Variants in FAM241A observed in about 807,000 individuals in gnomAD.
FAM241A encodes the protein uncharacterized protein FAM241A.
A neutral mutation model predicts 12.2 loss-of-function variants in FAM241A; 7 were observed. That is an observed-to-expected ratio of 0.58 (90% CI 0.33 to 1.08). The LOEUF (loss-of-function observed/expected upper bound fraction) is 1.08. Ranked by LOEUF, FAM241A falls within the 50% of genes least tolerant of loss-of-function variation. The pLI is 0.04. For synonymous variants in FAM241A, 74 were observed against 68.2 expected (o/e 1.08, Z -0.42); for missense variants, 161 against 169.7 (o/e 0.95, Z 0.29).
At chr4:112,151,887 CA>C (rs1723251895) in intron 1 of FAM241A, among the ~76,000 whole-genome samples, 1 of 152,106 alleles carries the variant, frequency 6.6e-6, no homozygotes. Flanking sequence ...TTCACAAATA[CA>C]AAAAGCACAT....
chr4:112,184,474 G>A (rs1578380348), intron 1 of FAM241A, among the ~76,000 whole-genome samples: 2 of 152,290 alleles, frequency 1.3e-5, no homozygotes, highest in African/African-American at 4.8e-5. Context: ...TTTGCAGTGA[G>A]CCGAGATTGT....
At chr4:112,165,928 A>G (rs1723585436) in intron 1 of FAM241A, among the ~76,000 whole-genome samples, 1 of 152,224 alleles carries the variant, frequency 6.6e-6, no homozygotes, top group Admixed American at 6.5e-5. Context: ...TTGTAACACA[A>G]AAGTAAATGC....
At chr4:112,177,115 G>A (rs1723838848) in intron 1 of FAM241A, among the ~76,000 whole-genome samples, 1 of 151,972 alleles carries the variant, frequency 6.6e-6, no homozygotes, top group Non-Finnish European at 1.5e-5. Context: ...GCATGAAAAT[G>A]TACTAACTTG....
intron 1 of FAM241A, among the ~76,000 whole-genome samples, chr4:112,149,358 T>C (rs1450817245): frequency 6.6e-6 from 1 of 152,188 alleles, no homozygotes; most frequent in Non-Finnish European, 1.5e-5. Flanking sequence ...TGTCTTCTTT[T>C]ACAAAAGGTT....
chr4:112,163,518 C>T (rs1723525116), intron 1 of FAM241A, among the ~76,000 whole-genome samples: 1 of 152,174 alleles, frequency 6.6e-6, no homozygotes, highest in Non-Finnish European at 1.5e-5. Context: ...ACAGACACTT[C>T]TCAAAAGAAG....
chr4:112,150,794 A>G (rs1723231876), intron 1 of FAM241A, among the ~76,000 whole-genome samples: 1 of 152,260 alleles, frequency 6.6e-6, no homozygotes, highest in Admixed American at 6.5e-5. Context: ...CAGTTTCTGC[A>G]TCTGCATAAT....
chr4:112,194,390 A>C lies in FAM241A; in HGVS notation c.*7452A>C, dbSNP rs1273922925. On this transcript the variant is annotated 3_prime_UTR_variant, in exon 2 of 2. Coordinates refer to ENST00000309733, the MANE Select transcript of FAM241A (RefSeq NM_152400.3). ...GCCAGAACTTCCAACACTATGTTGA[A>C]TAGGAGTGGTGAGAGAGGGCATCCC... is the stretch of plus-strand genomic sequence containing the variant. 1 of 151,666 alleles carries C rather than the reference A, an allele frequency of 6.6e-6. No individual in the cohort carries two copies. The highest frequency in any genetic ancestry group is 1.5e-5 in the Non-Finnish European group (1 of 67,880). The allele number at this position is 151,666 out of a possible 1,614,324, so 9.4% of individuals were successfully genotyped here. A position where few individuals can be genotyped will look rare whatever the true frequency, so the allele number is the denominator to read the frequency against.
chr4:112,145,874 A>AGT, intron 1 of FAM241A, 141 bp downstream of exon 1: 1 of 419,004 alleles, frequency 2.4e-6, no homozygotes, highest in Non-Finnish European at 3.3e-6. Flanking sequence ...CGCTCTGGGA[A>AGT]GTCGTCGCCG....
Position 112,187,177 on chromosome 4 carries a change from C to G in FAM241A, c.*239C>G. ...AAAACTCTTGTTTCACTACTGTGAT[C>G]TCTGTCTCCTTTATACACCTCTATC... On this transcript the variant is annotated 3_prime_UTR_variant, in exon 2 of 2. Coordinates refer to ENST00000309733, the MANE Select transcript of FAM241A (RefSeq NM_152400.3). The G allele has an allele frequency of 4.2e-6, 2 of 476,962 alleles. No individual in the cohort carries two copies. The highest frequency in any genetic ancestry group is 5.6e-5 in the South Asian group (2 of 35,954). 29.5% of individuals were successfully genotyped at this position (476,962 alleles called of 1,614,324 possible).
chr4:112,149,080 CT>C (rs1723195026), intron 1 of FAM241A, among the ~76,000 whole-genome samples: 1 of 11,436 alleles, frequency 8.7e-5, no homozygotes. Context: ...AAATCCCACT[CT>C]ATTTTGGGAT....
intron 1 of FAM241A, among the ~76,000 whole-genome samples, chr4:112,156,794 T>C (rs1166887097): frequency 2.0e-5 from 3 of 152,212 alleles, no homozygotes; most frequent in African/African-American, 7.2e-5. Context: ...AAAAGATTTC[T>C]GTGAAACATC....
intron 1 of FAM241A, among the ~76,000 whole-genome samples, chr4:112,153,061 A>T (rs887872435): frequency 2.6e-5 from 4 of 152,164 alleles, no homozygotes; most frequent in Non-Finnish European, 4.4e-5. Flanking sequence ...TTTTTAGTAC[A>T]TGTAATTCTC....
At chr4:112,152,323 G>T (rs2110419957) in intron 1 of FAM241A, among the ~76,000 whole-genome samples, 1 of 152,248 alleles carries the variant, frequency 6.6e-6, no homozygotes, top group South Asian at 2.1e-4. Context: ...TAATGCCATA[G>T]TCCCCTACAG....
intron 1 of FAM241A, among the ~76,000 whole-genome samples, chr4:112,161,048 A>G (rs1723453910): frequency 6.6e-6 from 1 of 152,208 alleles, no homozygotes. Context: ...TAAAGCAAAA[A>G]TGGACAAATA....
intron 1 of FAM241A, among the ~76,000 whole-genome samples, chr4:112,157,300 T>C (rs1723374500): frequency 6.6e-6 from 1 of 152,132 alleles, no homozygotes; most frequent in Non-Finnish European, 1.5e-5. Flanking sequence ...AGTTTATTCC[T>C]ACAGATAAGA....
At chr4:112,167,460 A>G (rs559358055) in intron 1 of FAM241A, among the ~76,000 whole-genome samples, 156 of 152,218 alleles carry the variant, frequency 1.0e-3, no homozygotes, top group Admixed American at 5.2e-4. Flanking sequence ...GACCAATTTT[A>G]GAGCAGATGG....
intron 1 of FAM241A, among the ~76,000 whole-genome samples, chr4:112,157,223 C>T (rs947655266): frequency 3.3e-5 from 5 of 152,008 alleles, no homozygotes; most frequent in Admixed American, 2.0e-4. Flanking sequence ...TATGTTGAAA[C>T]GGATTTCAAA....
chr4:112,182,253 G>T (rs1257601204), intron 1 of FAM241A, among the ~76,000 whole-genome samples: 1 of 152,062 alleles, frequency 6.6e-6, no homozygotes, highest in African/African-American at 2.4e-5. Flanking sequence ...CAGCCAGATG[G>T]TTTAAATTTT....
chr4:112,149,175 A>G (rs1316747845), intron 1 of FAM241A, among the ~76,000 whole-genome samples: 1 of 152,096 alleles, frequency 6.6e-6, no homozygotes, highest in Non-Finnish European at 1.5e-5. Flanking sequence ...ATGCATATAT[A>G]CACACTTTTT....
Sources: allele counts gnomAD v4.1 joint callset (sites outside exome capture counted in the v4.1 genomes callset), GRCh38; gene constraint gnomAD v4.1.1; transcripts MANE v1.5; gene names NCBI Gene and HGNC (gene_info 2026-07-23, HGNC 2026-07-21).